The following RAPGEF4 variants were observed in gnomAD, a reference collection of about 807,000 sequenced individuals.
RAPGEF4 encodes the protein Rap guanine nucleotide exchange factor 4, also known as RAP guanine-nucleotide-exchange factor (GEF) 4.
RAPGEF4 carries 66 observed loss-of-function variants against 147.9 expected under a neutral mutation model. The observed-to-expected ratio is 0.45, with a 90% CI of 0.37 to 0.55. RAPGEF4 has a LOEUF of 0.55. Ranked by LOEUF, RAPGEF4 falls within the 20% of genes least tolerant of loss-of-function variation. RAPGEF4 has a pLI of 0.00. For synonymous variants in RAPGEF4, 419 were observed against 442.7 expected (o/e 0.95, Z 0.67); for missense variants, 1,071 against 1,257.3 (o/e 0.85, Z 2.24).
chr2:172,812,791 T>C (rs1481115757), intron 3 of RAPGEF4, among the ~76,000 whole-genome samples: 1 of 152,236 alleles, frequency 6.6e-6, no homozygotes, highest in African/African-American at 2.4e-5. Context: ...GTTCAGGTGA[T>C]AGAAAAATGA....
intron 1 of RAPGEF4, among the ~76,000 whole-genome samples, chr2:172,752,585 G>C (rs1446746232): frequency 6.6e-6 from 1 of 152,178 alleles, no homozygotes; most frequent in Non-Finnish European, 1.5e-5. Flanking sequence ...TATGTAGTTA[G>C]CATCCAGGTT....
At chr2:172,832,204 A>AT (rs1273682107) in intron 4 of RAPGEF4, among the ~76,000 whole-genome samples, 4 of 152,000 alleles carry the variant, frequency 2.6e-5, no homozygotes. Context: ...CAGTTTTTGA[A>AT]TTTTTTTTAG....
chr2:172,884,768 TA>T (rs1489464096), intron 4 of RAPGEF4, among the ~76,000 whole-genome samples: 1 of 152,218 alleles, frequency 6.6e-6, no homozygotes, highest in African/African-American at 2.4e-5. Flanking sequence ...GATATGGTAT[TA>T]TTTTTTTCCA....
chr2:172,856,946 A>G (rs1319273320), intron 4 of RAPGEF4, among the ~76,000 whole-genome samples: 3 of 151,418 alleles, frequency 2.0e-5, no homozygotes, highest in African/African-American at 7.3e-5. Context: ...ATCAAGTGCC[A>G]TTCTTCTAAG....
At chr2:172,977,082 G>T (rs1575424010) in intron 10 of RAPGEF4, among the ~76,000 whole-genome samples, 1 of 152,148 alleles carries the variant, frequency 6.6e-6, no homozygotes, top group Non-Finnish European at 1.5e-5. Flanking sequence ...TACATTCACC[G>T]GCTGCCACTC....
chr2:172,908,370 C>T (rs1212234841), intron 4 of RAPGEF4, among the ~76,000 whole-genome samples: 1 of 152,228 alleles, frequency 6.6e-6, no homozygotes, highest in African/African-American at 2.4e-5. Flanking sequence ...CTGCACACCT[C>T]GGTTGTGAAG....
At chr2:172,820,840 G>T (rs563451816) in intron 4 of RAPGEF4, among the ~76,000 whole-genome samples, 3 of 152,294 alleles carry the variant, frequency 2.0e-5, no homozygotes, top group Admixed American at 2.0e-4. Flanking sequence ...GATTCTACCA[G>T]ATATGTTGGC....
rs999157955 is a variant in RAPGEF4, at chr2:172,988,615, G to A, written c.1228-78G>A. On this transcript the variant is annotated intron_variant, in intron 13 of 30. Transcript: ENST00000397081. ...TTATCTACAATGTTTTAGGGGCTTG[G>A]GGGTCTTGTGGCAGGAGGTGGTGGG... The A allele has an allele frequency of 1.5e-5, 22 of 1,465,424 alleles. No individual in the cohort carries two copies. In the Admixed American group the frequency reaches 4.0e-4, roughly 26 times the overall value. The allele number at this position is 1,465,424 out of a possible 1,614,324, so 90.8% of individuals were successfully genotyped here.
rs151145171 is a variant in RAPGEF4, at chr2:172,777,155, C to T, written c.66-17870C>T. 9.3e-4 allele frequency among the ~76,000 whole-genome samples: 142 copies of T among 152,266 alleles called. 1 individual carries two copies. The highest frequency in any genetic ancestry group is 3.3e-3 in the African/African-American group (139 of 41,548). ...AAGCTTTATTAGAATAGGTCTAGCT[C>T]TTGGGCTACAGTAGCATTTTTGGAG... On this transcript the variant is annotated intron_variant, in intron 1 of 30. Transcript: ENST00000397081.
chr2:172,932,693 T>TA (rs1686117855), intron 6 of RAPGEF4, among the ~76,000 whole-genome samples: 1 of 152,242 alleles, frequency 6.6e-6, no homozygotes, highest in Admixed American at 6.5e-5. Context: ...GATTTTTTTT[T>TA]ACTCATGTTA....
chr2:173,046,602 TTAA>T (rs1289893561), intron 29 of RAPGEF4, among the ~76,000 whole-genome samples: 1 of 152,242 alleles, frequency 6.6e-6, no homozygotes, highest in Non-Finnish European at 1.5e-5. Flanking sequence ...AAAAAACAAC[TTAA>T]AAGTAAATTA....
chr2:172,738,377 G>A (rs1014872270), intron 1 of RAPGEF4, among the ~76,000 whole-genome samples: 3 of 152,102 alleles, frequency 2.0e-5, no homozygotes, highest in African/African-American at 4.8e-5. Flanking sequence ...GTGGTGGGAC[G>A]GCTCTATAAA....
At chr2:172,882,534 A>G (rs796952625) in intron 4 of RAPGEF4, among the ~76,000 whole-genome samples, 15 of 152,320 alleles carry the variant, frequency 9.8e-5, no homozygotes, top group African/African-American at 3.6e-4. Context: ...AGAAGCTATC[A>G]TAGGAGGAGG....
intron 1 of RAPGEF4, among the ~76,000 whole-genome samples, chr2:172,762,655 C>G (rs1696460353): frequency 6.6e-6 from 1 of 152,188 alleles, no homozygotes; most frequent in Admixed American, 6.5e-5. Context: ...GGCTGTTGAG[C>G]AACAACTTTT....
intron 4 of RAPGEF4, among the ~76,000 whole-genome samples, chr2:172,876,988 C>G (rs540626580): frequency 1.3e-5 from 2 of 152,028 alleles, no homozygotes; most frequent in Non-Finnish European, 2.9e-5. Context: ...GTGTAGGTGT[C>G]GAGGAATTTA....
At chr2:172,841,048 T>C (rs1211155283) in intron 4 of RAPGEF4, among the ~76,000 whole-genome samples, 1 of 152,260 alleles carries the variant, frequency 6.6e-6, no homozygotes, top group South Asian at 2.1e-4. Flanking sequence ...ATGAAAGTGA[T>C]AGACCCTCTC....
chr2:172,868,076 G>T lies in RAPGEF4; in HGVS notation c.445-49726G>T, dbSNP rs556706147. Among the ~76,000 whole-genome samples, 40 of 152,302 alleles carry T rather than the reference G, an allele frequency of 2.6e-4. No homozygotes were observed. The Middle Eastern group carries it at 0.014, about 52-fold the overall frequency. ...GTCAATGACAGAGAAATGGAAGAAG[G>T]TGTGACATGCTTCAGTTGCTGGACT... On this transcript the variant is annotated intron_variant, in intron 4 of 30. Coordinates refer to ENST00000397081, the MANE Select transcript of RAPGEF4 (RefSeq NM_007023.4).
At chr2:172,754,809 G>A (rs1221915919) in intron 1 of RAPGEF4, among the ~76,000 whole-genome samples, 1 of 152,176 alleles carries the variant, frequency 6.6e-6, no homozygotes, top group African/African-American at 2.4e-5. Flanking sequence ...TTGGGAGGCC[G>A]AGGCGGGCGG....
chr2:173,026,754 G>C, intron 24 of RAPGEF4, 57 bp downstream of exon 24: 1 of 1,591,058 alleles, frequency 6.3e-7, no homozygotes. Flanking sequence ...AAGGCTGCTG[G>C]CATTGCTTAG....
Sources: gnomAD v4.1 joint callset for allele counts (sites outside exome capture counted in the v4.1 genomes callset) on GRCh38, gnomAD v4.1.1 for gene constraint, MANE v1.5 for transcripts, NCBI Gene and HGNC (gene_info 2026-07-23, HGNC 2026-07-21) for gene names.